The following RIOX2 variants were observed in gnomAD, a reference collection of about 807,000 sequenced individuals.
RIOX2 encodes the protein ribosomal oxygenase 2.
RIOX2 carries 43 observed loss-of-function variants against 51.2 expected under a neutral mutation model. The ratio of observed to expected loss-of-function variants is 0.84; its 90% CI spans 0.66 to 1.08. The LOEUF (loss-of-function observed/expected upper bound fraction) is 1.08. Ranked by LOEUF, RIOX2 falls within the 50% of genes least tolerant of loss-of-function variation. The pLI, the probability that RIOX2 is intolerant of heterozygous loss-of-function variation, is 0.00. For synonymous variants in RIOX2, 226 were observed against 218.5 expected (o/e 1.03, Z -0.30); for missense variants, 566 against 561.7 (o/e 1.01, Z -0.08).
chr3:97,961,117 C>T (rs1254921774), intron 3 of RIOX2, among the ~76,000 whole-genome samples: 1 of 152,058 alleles, frequency 6.6e-6, no homozygotes, highest in Non-Finnish European at 1.5e-5. Flanking sequence ...GTCAAGATGC[C>T]AATGCTTAAG....
At chr3:97,963,808 G>C (rs1172839049) in intron 2 of RIOX2, among the ~76,000 whole-genome samples, 1 of 152,078 alleles carries the variant, frequency 6.6e-6, no homozygotes, top group African/African-American at 2.4e-5. Flanking sequence ...TGGACCTTTA[G>C]CCTCTGAATC....
At chr3:97,970,290 C>A (rs911212156) in intron 1 of RIOX2, among the ~76,000 whole-genome samples, 2 of 152,174 alleles carry the variant, frequency 1.3e-5, no homozygotes, top group African/African-American at 4.8e-5. Flanking sequence ...ACTACCCATA[C>A]TGCCAAAAGT....
At chr3:97,962,257 C>T (rs1269847165) in intron 2 of RIOX2, among the ~76,000 whole-genome samples, 1 of 151,878 alleles carries the variant, frequency 6.6e-6, no homozygotes, top group Non-Finnish European at 1.5e-5. Context: ...AATCAGTTCC[C>T]CTTTCCACGT....
chr3:97,967,703 G>C, intron 1 of RIOX2, 71 bp from the exon 2 acceptor site: 1 of 1,075,570 alleles, frequency 9.3e-7, no homozygotes, highest in Non-Finnish European at 1.3e-6. Context: ...TGGATCGCGC[G>C]CACACACAAC....
chr3:97,952,085 A>C (rs1383480852), intron 5 of RIOX2: 13 of 937,524 alleles, frequency 1.4e-5, no homozygotes, highest in Non-Finnish European at 3.0e-6. Flanking sequence ...AACAACATAC[A>C]GCAGACCCCC....
intron 9 of RIOX2, 125 bp downstream of exon 9, chr3:97,945,673 G>T: frequency 1.4e-6 from 1 of 720,998 alleles, no homozygotes; most frequent in Non-Finnish European, 2.3e-6. Context: ...TCTGTGAGTA[G>T]TGCAAAATGG....
At chr3:97,959,321 T>TC in intron 3 of RIOX2, 142 bp from the exon 4 acceptor site, 1 of 848,266 alleles carries the variant, frequency 1.2e-6, no homozygotes, top group Non-Finnish European at 1.7e-6. Context: ...TTTTTTTTTT[T>TC]TTTTTTTTTA....
At chr3:97,959,364 G>A in intron 3 of RIOX2, among the ~76,000 whole-genome samples, 185 bp from the exon 4 acceptor site, 1 of 148,442 alleles carries the variant, frequency 6.7e-6, no homozygotes, top group Non-Finnish European at 1.5e-5. Flanking sequence ...TCCTGGCCAG[G>A]CTGGAGTGCA....
At chr3:97,954,261 A>G in intron 5 of RIOX2, 131 bp downstream of exon 5, 1 of 652,724 alleles carries the variant, frequency 1.5e-6, no homozygotes, top group Non-Finnish European at 2.8e-6. Flanking sequence ...TGTGGAAGTC[A>G]GTAAAGGACA....
chr3:97,945,955 G>T, intron 8 of RIOX2, 68 bp from the exon 9 acceptor site: 1 of 1,149,358 alleles, frequency 8.7e-7, no homozygotes, highest in Admixed American at 2.1e-5. Context: ...TACTAGGAAG[G>T]TTTTCCAATA....
chr3:97,952,271 A>G (rs1258009681), intron 5 of RIOX2: 1 of 1,277,982 alleles, frequency 7.8e-7, no homozygotes. Flanking sequence ...GACACAGGTC[A>G]AAATCCAGCC....
At chr3:97,962,814 A>C (rs1184163399) in intron 2 of RIOX2, among the ~76,000 whole-genome samples, 1 of 152,232 alleles carries the variant, frequency 6.6e-6, no homozygotes, top group Non-Finnish European at 1.5e-5. Flanking sequence ...GAGGAAACTG[A>C]GGCATGAGAC....
At position 97,942,656 on chromosome 3, in the gene RIOX2, A is replaced by G. The variant is rs1014429903; in HGVS notation, c.*2528T>C. On this transcript the variant is annotated 3_prime_UTR_variant, in exon 10 of 10. Coordinates refer to ENST00000394198, the MANE Select transcript of RIOX2 (RefSeq NM_153182.4). ...GCTTAGGGTTTTTGTTCATTAGTAC[A>G]GTTGTAAAACTTTCATTTGCTACGT... is the stretch of plus-strand genomic sequence containing the variant. 2.9e-5 allele frequency: 13 copies of G among 448,278 alleles called. No homozygotes were observed. Among genetic ancestry groups the G allele is most frequent in the African/African-American group, 2.2e-4 (11 of 49,900 alleles). The allele number at this position is 448,278 out of a possible 1,614,324, so 27.8% of individuals were successfully genotyped here.
intron 4 of RIOX2, among the ~76,000 whole-genome samples, chr3:97,956,498 A>AT (rs35221190): frequency 3.0e-3 from 428 of 144,788 alleles, no homozygotes; most frequent in African/African-American, 5.0e-3. Context: ...GCCTCTAAAG[A>AT]TTTTTTTTTT....
intron 2 of RIOX2, among the ~76,000 whole-genome samples, chr3:97,964,288 T>C (rs1705792905): frequency 6.6e-6 from 1 of 152,166 alleles, no homozygotes; most frequent in African/African-American, 2.4e-5. Context: ...TCAATACATC[T>C]TTCAAAGTAT....
At chr3:97,950,194 A>G (rs1321586551) in intron 6 of RIOX2, among the ~76,000 whole-genome samples, 179 bp from the exon 7 acceptor site, 2 of 152,060 alleles carry the variant, frequency 1.3e-5, no homozygotes, top group Admixed American at 1.3e-4. Flanking sequence ...CCTTATAAAC[A>G]CTGTTAATTC....
At chr3:97,959,642 C>T (rs564250524) in intron 3 of RIOX2, among the ~76,000 whole-genome samples, 16 of 152,116 alleles carry the variant, frequency 1.1e-4, no homozygotes, top group East Asian at 7.7e-4. Flanking sequence ...CGTGCAGGTC[C>T]GCTTATATGC....
chr3:97,948,135 A>G (rs1284454941), intron 7 of RIOX2, among the ~76,000 whole-genome samples: 1 of 152,166 alleles, frequency 6.6e-6, no homozygotes, highest in Non-Finnish European at 1.5e-5. Context: ...GCATAAGCAA[A>G]CTGTTCTGCT....
chr3:97,945,739 A>G (rs1230228462), intron 9 of RIOX2, 59 bp downstream of exon 9: 1 of 1,309,526 alleles, frequency 7.6e-7, no homozygotes, highest in African/African-American at 1.5e-5. Flanking sequence ...AAAATAATCA[A>G]TTCTTCCCAA....
Sources: allele counts gnomAD v4.1 joint callset (sites outside exome capture counted in the v4.1 genomes callset), GRCh38; gene constraint gnomAD v4.1.1; transcripts MANE v1.5; gene names NCBI Gene and HGNC (gene_info 2026-07-23, HGNC 2026-07-21).